Variants in DGKB observed in about 807,000 individuals in gnomAD.
DGKB encodes the protein diacylglycerol kinase beta, also known as 90 kDa diacylglycerol kinase.
A neutral mutation model predicts 114.3 loss-of-function variants in DGKB; 67 were observed. The ratio of observed to expected loss-of-function variants is 0.59; its 90% CI spans 0.48 to 0.72. The LOEUF (loss-of-function observed/expected upper bound fraction) is 0.72. Among genes scored for constraint, DGKB ranks in the 30% least tolerant of loss-of-function variants. The probability of loss-of-function intolerance (pLI) is 0.00; values close to 1 mark genes in which losing one functional copy is unlikely to be tolerated. For missense variants in DGKB, 907 were observed against 975.2 expected, an observed-to-expected ratio of 0.93 and a Z score of 0.93; for synonymous variants, 398 against 323.1, an observed-to-expected ratio of 1.23 and a Z score of -2.49.
intron 23 of DGKB, among the ~76,000 whole-genome samples, chr7:14,214,839 G>C (rs1006197579): frequency 2.6e-5 from 4 of 152,112 alleles, no homozygotes; most frequent in Admixed American, 2.0e-4. Flanking sequence ...ATAAGACTAA[G>C]GGAATACAGT....
At chr7:14,689,414 G>T (rs1323129154) in intron 9 of DGKB, among the ~76,000 whole-genome samples, 1 of 151,530 alleles carries the variant, frequency 6.6e-6, no homozygotes, top group Non-Finnish European at 1.5e-5. Context: ...CTCGTGATCC[G>T]CCCGCCTCGG....
rs111883731 is a variant in DGKB at position 14,797,648 on chromosome 7, T to A, written c.71-39917A>T. On this transcript the variant is annotated intron_variant, in intron 2 of 25. Transcript: ENST00000402815. ...AGGAATATTTACCATCTATTTATTTTTTTTTTTTCCTGAGGGCTGCCATCT... is the reference window on the plus strand; with the variant it reads ...AGGAATATTTACCATCTATTTATTTATTTTTTTTCCTGAGGGCTGCCATCT... Among the ~76,000 whole-genome samples, 312 of 152,238 alleles carry A rather than the reference T, an allele frequency of 2.0e-3. 1 individual carries two copies. The highest frequency in any genetic ancestry group is 9.1e-3 in the East Asian group (47 of 5,168).
At position 14,889,533 on chromosome 7, in the gene DGKB, G is replaced by A. The variant is rs1780844378; in HGVS notation, c.-188+13059C>T. Among the ~76,000 whole-genome samples the A allele has an allele frequency of 3.3e-5, 5 of 151,694 alleles. No individual in the cohort carries two copies. In the South Asian group the frequency reaches 1.0e-3, roughly 31 times the overall value. On this transcript the variant is annotated intron_variant, in intron 1 of 25. Coordinates refer to ENST00000402815, the MANE Select transcript of DGKB (RefSeq NM_001350709.2). ...TGAAAAGGAGATGGGAGATGGGAGA[G>A]GAAGCTCATCTCACAAATCACTGCT...
chr7:14,207,829 G>T (rs569662349), intron 23 of DGKB, among the ~76,000 whole-genome samples: 1 of 151,904 alleles, frequency 6.6e-6, no homozygotes, highest in Non-Finnish European at 1.5e-5. Context: ...CAAAAGAGGG[G>T]AAGGAAATGG....
chr7:14,418,485 A>G (rs1191078716), intron 21 of DGKB, among the ~76,000 whole-genome samples: 3 of 150,886 alleles, frequency 2.0e-5, no homozygotes, highest in Admixed American at 1.3e-4. Context: ...TACAGCATAC[A>G]ATACAAAGTG....
chr7:14,183,351 C>T (rs889051132), intron 23 of DGKB, among the ~76,000 whole-genome samples: 1 of 152,114 alleles, frequency 6.6e-6, no homozygotes, highest in East Asian at 1.9e-4. Flanking sequence ...ACCTACATAA[C>T]CCAGAAGACA....
chr7:14,640,997 C>A (rs2128873669), intron 13 of DGKB, among the ~76,000 whole-genome samples: 1 of 152,194 alleles, frequency 6.6e-6, no homozygotes, highest in African/African-American at 2.4e-5. Context: ...ATATGCCTTG[C>A]CCCAACCCCA....
chr7:14,760,367 A>G (rs1835510166), intron 2 of DGKB, among the ~76,000 whole-genome samples: 1 of 152,178 alleles, frequency 6.6e-6, no homozygotes, highest in Non-Finnish European at 1.5e-5. Context: ...TATTGAGATT[A>G]AATTAATCAG....
At chr7:14,887,805 T>C (rs558517171) in intron 1 of DGKB, among the ~76,000 whole-genome samples, 23 of 151,908 alleles carry the variant, frequency 1.5e-4, no homozygotes, top group African/African-American at 5.5e-4. Context: ...ATGAAAATTT[T>C]AAAATATGCT....
chr7:14,583,278 T>C (rs1466087781), intron 17 of DGKB, 141 bp from the exon 18 acceptor site: 2 of 492,914 alleles, frequency 4.1e-6, no homozygotes, highest in Non-Finnish European at 7.1e-6. Context: ...AACTTACATA[T>C]CCTTTAATCC....
intron 22 of DGKB, among the ~76,000 whole-genome samples, chr7:14,344,009 A>G (rs941470484): frequency 5.0e-4 from 74 of 148,042 alleles, no homozygotes; most frequent in African/African-American, 1.7e-3. Context: ...ATAATATATA[A>G]CTAAATATAT....
chr7:14,174,179 T>G (rs1367122092), intron 25 of DGKB, among the ~76,000 whole-genome samples: 1 of 152,140 alleles, frequency 6.6e-6, no homozygotes, highest in African/African-American at 2.4e-5. Flanking sequence ...CCATTTTGTG[T>G]TGAGCTTCAC....
At chr7:14,751,759 A>T (rs1027653562) in intron 4 of DGKB, among the ~76,000 whole-genome samples, 9 of 152,198 alleles carry the variant, frequency 5.9e-5, no homozygotes, top group Non-Finnish European at 8.8e-5. Flanking sequence ...AATGCAGAAG[A>T]CATCAGAGTT....
intron 23 of DGKB, among the ~76,000 whole-genome samples, chr7:14,183,651 A>G (rs1269921820): frequency 6.6e-6 from 1 of 152,216 alleles, no homozygotes; most frequent in Non-Finnish European, 1.5e-5. Context: ...TTTTATTGAC[A>G]GGGAAACTAT....
intron 20 of DGKB, among the ~76,000 whole-genome samples, chr7:14,568,368 C>T (rs1308622066): frequency 2.6e-5 from 4 of 152,178 alleles, no homozygotes; most frequent in South Asian, 4.1e-4. Flanking sequence ...GATCAATTTC[C>T]CTTTCTACCT....
chr7:14,500,562 A>T (rs1414297450), intron 20 of DGKB, among the ~76,000 whole-genome samples: 2 of 151,688 alleles, frequency 1.3e-5, no homozygotes, highest in Non-Finnish European at 1.5e-5. Flanking sequence ...TTTGGTAAAA[A>T]TCTTTCTACC....
intron 21 of DGKB, among the ~76,000 whole-genome samples, chr7:14,393,008 T>TTTTTTTTTTTTTTTTTTTTTTTTTCTG (rs71033995): frequency 7.4e-6 from 1 of 134,840 alleles, no homozygotes. Context: ...TTTTTTTTTT[T>TTTTTTTTTTTTTTTTTTTTTTTTTCTG]GAGACGGAGT....
At chr7:14,615,470 G>A (rs1181703827) in intron 15 of DGKB, among the ~76,000 whole-genome samples, 1 of 151,634 alleles carries the variant, frequency 6.6e-6, no homozygotes, top group Non-Finnish European at 1.5e-5. Context: ...ATACTGTTAT[G>A]AACAAATAAA....
At chr7:14,660,222 T>C (rs1816752778) in intron 13 of DGKB, among the ~76,000 whole-genome samples, 1 of 151,996 alleles carries the variant, frequency 6.6e-6, no homozygotes, top group Non-Finnish European at 1.5e-5. Context: ...TGCCCGGCTT[T>C]GGTATCAGGA....
Sources: allele counts gnomAD v4.1 joint callset (sites outside exome capture counted in the v4.1 genomes callset), GRCh38; gene constraint gnomAD v4.1.1; transcripts MANE v1.5; gene names NCBI Gene and HGNC (gene_info 2026-07-23, HGNC 2026-07-21).